Variants in NUMA1 observed in about 807,000 individuals in gnomAD.
The protein encoded by NUMA1 is SP-H antigen.
Under a neutral mutation model 237.1 loss-of-function variants are expected in NUMA1, and 62 were observed. The observed-to-expected ratio is 0.26, with a 90% CI of 0.21 to 0.32. The LOEUF is 0.32. Among genes scored for constraint, NUMA1 ranks in the 10% least tolerant of loss-of-function variants. NUMA1 has a pLI of 1.00. For missense variants in NUMA1, 2,533 were observed against 2,666.5 expected (o/e 0.95, Z 1.10); for synonymous variants, 1,028 against 1,066.1 (o/e 0.96, Z 0.70).
intron 2 of NUMA1, among the ~76,000 whole-genome samples, chr11:72,047,623 T>C (rs562290025): frequency 3.9e-5 from 6 of 152,310 alleles, no homozygotes; most frequent in African/African-American, 1.4e-4. Flanking sequence ...GAGTTCTAGC[T>C]TCTAGAGTCG....
chr11:72,071,207 T>C (rs181000820), intron 1 of NUMA1, among the ~76,000 whole-genome samples: 2 of 152,370 alleles, frequency 1.3e-5, no homozygotes, highest in African/African-American at 4.8e-5. Context: ...TTCCTAGTTA[T>C]CCAAGTCCTA....
At chr11:72,022,750 T>A (rs1939052555) in intron 6 of NUMA1, among the ~76,000 whole-genome samples, 1 of 152,090 alleles carries the variant, frequency 6.6e-6, no homozygotes, top group Admixed American at 6.6e-5. Flanking sequence ...AAGACTGAGC[T>A]ATAATAAAAA....
intron 4 of NUMA1, among the ~76,000 whole-genome samples, chr11:72,025,466 A>G (rs1262444275): frequency 6.6e-6 from 1 of 151,970 alleles, no homozygotes; most frequent in African/African-American, 2.4e-5. Context: ...GGCTTTTGCC[A>G]TCTCAGCCTT....
At position 72,069,929 on chromosome 11, in the gene NUMA1, G is replaced by C. The variant is rs1943370595; in HGVS notation, c.-102-18C>G. On this transcript the variant is annotated intron_variant, in intron 1 of 26. Coordinates refer to ENST00000393695, the MANE Select transcript of NUMA1 (RefSeq NM_006185.4). ...GTTTCCACCTAGGGAAGGGGCAAAG[G>C]GACAGGAATGATTATTCATTCCCCT... 6.6e-6 allele frequency: 1 copy of C among 152,174 alleles called. No homozygotes were observed. Among genetic ancestry groups the C allele is most frequent in the African/African-American group, 2.4e-5 (1 of 41,430 alleles). The allele number at this position is 152,174 out of a possible 1,614,324, so 9.4% of individuals were successfully genotyped here.
chr11:72,003,455 G>A lies in NUMA1; in HGVS notation c.*72C>T. 6.9e-7 allele frequency: 1 copy of A among 1,458,960 alleles called. No homozygotes were observed. Among genetic ancestry groups the A allele is most frequent in the Non-Finnish European group, 9.6e-7 (1 of 1,037,768 alleles). 90.4% of individuals were successfully genotyped at this position (1,458,960 alleles called of 1,614,324 possible). The stretch of plus-strand genomic sequence containing the variant: ...GGGAGCTGAGAGAAGGCACTGAGAG[G>A]GACAGTAGGCGGAGGACCAGGTGAG... On this transcript the variant is annotated 3_prime_UTR_variant, in exon 27 of 27. Coordinates refer to ENST00000393695, the MANE Select transcript of NUMA1 (RefSeq NM_006185.4).
chr11:72,036,359 T>C (rs1261475886), intron 2 of NUMA1, among the ~76,000 whole-genome samples: 2 of 152,240 alleles, frequency 1.3e-5, no homozygotes, highest in Non-Finnish European at 2.9e-5. Flanking sequence ...CATAGGACCT[T>C]AGACAAGCAA....
chr11:72,006,618 C>G (rs1955734742), intron 21 of NUMA1, among the ~76,000 whole-genome samples: 1 of 152,176 alleles, frequency 6.6e-6, no homozygotes, highest in Non-Finnish European at 1.5e-5. Flanking sequence ...GGGCTAGGCC[C>G]CATGTCTCCT....
At chr11:72,010,915 A>T in intron 16 of NUMA1, 61 bp from the exon 17 acceptor site, 1 of 1,422,354 alleles carries the variant, frequency 7.0e-7, no homozygotes, top group Non-Finnish European at 9.9e-7. Context: ...TTCATCCTGG[A>T]TGTCCACCCA....
At position 72,014,942 on chromosome 11, in the gene NUMA1, T is replaced by G. The variant is rs200650100; in HGVS notation, c.2561A>C (p.Glu854Ala). 6.2e-7 allele frequency: 1 copy of G among 1,614,132 alleles called. No individual in the cohort carries two copies. Among genetic ancestry groups the G allele is most frequent in the East Asian group, 2.2e-5 (1 of 44,886 alleles). Residue 854 changes from glutamate to alanine, a missense_variant, in exon 15 of 27, where the codon GAG becomes GCG. By Grantham distance (107) the Glu-to-Ala change is moderately radical. Transcript: ENST00000393695. The surrounding 1 kb of genome is among the most constrained non-coding windows in gnomAD (Gnocchi z 4.6). ...GTGGGATTCTATGCCTGCCACCTTC[T>G]CCTTTGCCTCCTGCAGCTCCTGGCG... ...KARQELQEAK[E>A]KVAGIESHSE...
At chr11:72,005,399 G>A (rs369331751) in intron 22 of NUMA1, 30 bp from the exon 23 acceptor site, 4 of 1,597,448 alleles carry the variant, frequency 2.5e-6, no homozygotes, top group South Asian at 2.3e-5. Context: ...GGGAACAAAT[G>A]AGCCTGGAGT....
chr11:72,026,407 T>C (rs1001961865), intron 4 of NUMA1, among the ~76,000 whole-genome samples: 2 of 152,242 alleles, frequency 1.3e-5, no homozygotes, highest in Non-Finnish European at 2.9e-5. Context: ...AGAGCAGAAA[T>C]AAAAGTCAGC....
rs377424025 is a variant in NUMA1 at position 72,004,280 on chromosome 11, C to T, written c.6068G>A (p.Arg2023His). Residue 2023 changes from arginine to histidine, a missense_variant, in exon 25 of 27, where the codon CGC (arginine) becomes CAC (histidine). This residue lies in a region of NUMA1 where 795 missense variants were observed against 750.8 expected (regional missense o/e 1.06). Transcript: ENST00000393695. ...CTGGGCCTCAGTAGTGCTCTGTTTG[C>T]GCCCTTCATGTCGGTCTCGGGGAGT... ...PMTPRDRHEGRKQSTTEAQKK... is the reference protein window; with the variant it reads ...PMTPRDRHEGHKQSTTEAQKK... The T allele has an allele frequency of 3.0e-5, 49 of 1,613,396 alleles. No individual in the cohort carries two copies. The highest frequency in any genetic ancestry group is 1.6e-4 in the Middle Eastern group (1 of 6,074).
intron 2 of NUMA1, among the ~76,000 whole-genome samples, chr11:72,056,835 T>A (rs1433496720): frequency 1.3e-5 from 2 of 151,886 alleles, no homozygotes; most frequent in Non-Finnish European, 2.9e-5. Flanking sequence ...CCAGACTGTC[T>A]TAGTGATGTG....
At chr11:72,016,794 T>G in intron 13 of NUMA1, 1 of 429,332 alleles carries the variant, frequency 2.3e-6, no homozygotes, top group South Asian at 2.7e-5. Flanking sequence ...CAAATTTCCT[T>G]ACCGTATACC....
At chr11:72,024,985 A>T in intron 4 of NUMA1, 2 of 152,254 alleles carry the variant, frequency 1.3e-5, no homozygotes, top group Non-Finnish European at 2.9e-5. Context: ...ATAACCTCTG[A>T]CTCCTGGGTT....
In NUMA1 at chr11:72,006,212, G is replaced by A. The variant is rs367629814; in HGVS notation, c.5515C>T (p.Arg1839Trp). 1.2e-5 allele frequency: 20 copies of A among 1,614,154 alleles called. No homozygotes were observed. The highest frequency in any genetic ancestry group is 1.7e-4 in the Middle Eastern group (1 of 6,060). The change falls in exon 22 of 27, where the codon CGG (arginine) becomes TGG (tryptophan). Residue 1839 changes from arginine to tryptophan, a missense_variant. Arg to Trp is a moderately radical substitution (Grantham distance 101). Around this residue, in one of 3 missense-constraint regions of NUMA1, gnomAD observed 795 missense variants for 750.8 expected, o/e 1.06. Transcript: ENST00000393695. ...DSANSSFYST[R>W]SAPASQASLR... is the part of the protein sequence containing the mutation. Reference sequence around the variant, plus strand: ...CTAGCCTGGGAAGCAGGAGCAGACCGCGTGCTGTAGAACGATGAGTTGGCG... The same window carrying A: ...CTAGCCTGGGAAGCAGGAGCAGACCACGTGCTGTAGAACGATGAGTTGGCG...
In NUMA1 at chr11:72,018,178, C is replaced by T; in HGVS notation, c.978+5G>A. The T allele has an allele frequency of 6.2e-7, 1 of 1,603,686 alleles. No individual in the cohort carries two copies. Among genetic ancestry groups the T allele is most frequent in the Non-Finnish European group, 8.5e-7 (1 of 1,170,412 alleles). ...CCTCCATGCACACACCACCTTAACA[C>T]CCACCTTAAAGGAAAGGTCTCCATT... On this transcript the variant is annotated splice_donor_5th_base_variant and intron_variant, in intron 12 of 26. Coordinates refer to ENST00000393695, the MANE Select transcript of NUMA1 (RefSeq NM_006185.4).
At chr11:72,018,032 G>T in intron 12 of NUMA1, 151 bp downstream of exon 12, 1 of 933,872 alleles carries the variant, frequency 1.1e-6, no homozygotes. Context: ...CGCCAATTAT[G>T]GGATAAGGAA....
In NUMA1 at chr11:72,008,815, G is replaced by T; in HGVS notation, c.5089C>A (p.Leu1697Met). Residue 1697 changes from leucine to methionine, a missense_variant, in exon 20 of 27, where the codon CTG (leucine) becomes ATG (methionine). By Grantham distance (15) the Leu-to-Met change is conservative. This residue lies in a region of NUMA1 where 795 missense variants were observed against 750.8 expected (regional missense o/e 1.06). Coordinates refer to ENST00000393695, the MANE Select transcript of NUMA1 (RefSeq NM_006185.4). The stretch of plus-strand genomic sequence containing the variant: ...TCAGTTGCCACCTGGAATTTGCCCA[G>T]GTCTCGAAGCTGCTGGTCTGCATGG... ...VAHADQQLRD[L>M]GKFQVATDAL... 3 of 1,614,162 alleles carry T rather than the reference G, an allele frequency of 1.9e-6. No homozygotes were observed. Among genetic ancestry groups the T allele is most frequent in the Non-Finnish European group, 2.5e-6 (3 of 1,180,032 alleles).
Sources: allele counts gnomAD v4.1 joint callset (sites outside exome capture counted in the v4.1 genomes callset), GRCh38; gene constraint gnomAD v4.1.1; regional missense constraint gnomAD v4.1.1; non-coding constraint Gnocchi (gnomAD v3.1); transcripts MANE v1.5; gene names NCBI Gene and HGNC (gene_info 2026-07-23, HGNC 2026-07-21).